Variants in DENR observed in about 807,000 individuals in gnomAD.
DENR encodes density regulated re-initiation and release factor, also known as density-regulated protein.
In DENR, 6 loss-of-function variants were observed where a neutral mutation model predicts 30.6. The ratio of observed to expected loss-of-function variants is 0.20; its 90% confidence interval spans 0.11 to 0.39. The LOEUF (loss-of-function observed/expected upper bound fraction) is 0.39. Among genes scored for constraint, DENR ranks in the 10% least tolerant of loss-of-function variants. The pLI, the probability that DENR is intolerant of heterozygous loss-of-function variation, is 1.00. For missense variants in DENR, 141 were observed against 230.9 expected (o/e 0.61, Z 2.52); for synonymous variants, 78 against 72.1 (o/e 1.08, Z -0.41).
At chr12:122,765,801 T>TA (rs1362820604) in intron 5 of DENR, among the ~76,000 whole-genome samples, 3 of 152,140 alleles carry the variant, frequency 2.0e-5, no homozygotes, top group Non-Finnish European at 4.4e-5. Flanking sequence ...TGTTTGTATG[T>TA]AAAAAACAGC....
intron 2 of DENR, among the ~76,000 whole-genome samples, chr12:122,755,737 C>T (rs1878533991): frequency 6.6e-6 from 1 of 152,120 alleles, no homozygotes; most frequent in Non-Finnish European, 1.5e-5. Flanking sequence ...AAGATCTATT[C>T]CCTGTGACCT....
chr12:122,754,758 C>CA (rs1337919615), intron 2 of DENR, among the ~76,000 whole-genome samples: 23 of 152,172 alleles, frequency 1.5e-4, no homozygotes, highest in African/African-American at 4.8e-4. Context: ...AATAAAGTGA[C>CA]AAGAGATTAA....
chr12:122,755,466 C>T lies in DENR; in HGVS notation c.106+1659C>T, dbSNP rs568989889. On this transcript the variant is annotated intron_variant, in intron 2 of 7. Coordinates refer to ENST00000280557, the MANE Select transcript of DENR (RefSeq NM_003677.5). ...TGGTGGCAGGCACCTGTAATCCCAGCTACTTGGGAGGCTGAGGCAGGAGAA... is the reference window on the plus strand; with the variant it reads ...TGGTGGCAGGCACCTGTAATCCCAGTTACTTGGGAGGCTGAGGCAGGAGAA... Among the ~76,000 whole-genome samples the T allele has an allele frequency of 4.3e-4, 65 of 152,198 alleles. 4 individuals are homozygous for T. In the South Asian group the frequency reaches 0.013, roughly 30 times the overall value.
intron 2 of DENR, among the ~76,000 whole-genome samples, chr12:122,758,750 G>A (rs1277957719): frequency 2.0e-5 from 3 of 152,000 alleles, no homozygotes; most frequent in Non-Finnish European, 4.4e-5. Context: ...GGCTGCATGA[G>A]TTAAGATCAC....
chr12:122,761,547 C>T (rs890154309), intron 2 of DENR, among the ~76,000 whole-genome samples: 3 of 152,170 alleles, frequency 2.0e-5, no homozygotes, highest in Admixed American at 2.0e-4. Flanking sequence ...AGGCTGGGAA[C>T]AGTGCTTCAC....
At chr12:122,761,369 G>T (rs377460430) in intron 2 of DENR, among the ~76,000 whole-genome samples, 105 of 152,126 alleles carry the variant, frequency 6.9e-4, no homozygotes, top group African/African-American at 2.4e-3. Flanking sequence ...CCGAGATCGT[G>T]CCTCTGCACT....
intron 2 of DENR, chr12:122,754,209 T>C (rs573176859): frequency 5.8e-5 from 14 of 239,322 alleles, no homozygotes; most frequent in African/African-American, 2.6e-4. Flanking sequence ...TTGATGGCTG[T>C]CTGTGAAGAA....
At chr12:122,762,321 T>A in intron 3 of DENR, 115 bp downstream of exon 3, 1 of 720,786 alleles carries the variant, frequency 1.4e-6, no homozygotes, top group Non-Finnish European at 2.2e-6. Flanking sequence ...AGTAAAGCTT[T>A]AACCTTTTAT....
At chr12:122,767,421 A>C (rs1442837394) in intron 5 of DENR, 67 bp from the exon 6 acceptor site, 2 of 998,216 alleles carry the variant, frequency 2.0e-6, no homozygotes, top group Non-Finnish European at 1.4e-6. Flanking sequence ...GAGAATTAAT[A>C]AATTTAAAGA....
At chr12:122,754,036 A>G (rs1593758234) in intron 2 of DENR, 1 of 554,052 alleles carries the variant, frequency 1.8e-6, no homozygotes, top group East Asian at 3.1e-5. Flanking sequence ...TTGTAACAGG[A>G]TGTGCAACTA....
At chr12:122,767,864 A>T (rs764312659) in intron 6 of DENR, among the ~76,000 whole-genome samples, 3 of 152,186 alleles carry the variant, frequency 2.0e-5, no homozygotes, top group Non-Finnish European at 2.9e-5. Context: ...ACGGCTGGGT[A>T]GGATTCTCTT....
chr12:122,770,452 C>G lies in DENR; in HGVS notation c.*1374C>G, dbSNP rs1879004849. 1 of 395,816 alleles carries G rather than the reference C, an allele frequency of 2.5e-6. No homozygotes were observed. 24.5% of individuals were successfully genotyped at this position (395,816 alleles called of 1,614,324 possible). ...CATCTGCTCTGAGTGGAAGGCCGTT[C>G]AGAGAGGCTAGAGGTTCTTATTCTG... On this transcript the variant is annotated 3_prime_UTR_variant, in exon 8 of 8. Coordinates refer to ENST00000280557, the MANE Select transcript of DENR (RefSeq NM_003677.5).
At chr12:122,759,784 C>T (rs986394346) in intron 2 of DENR, among the ~76,000 whole-genome samples, 50 of 151,956 alleles carry the variant, frequency 3.3e-4, no homozygotes, top group Admixed American at 2.7e-3. Flanking sequence ...TTAGTATTTG[C>T]TGTGATGGTG....
chr12:122,754,048 G>C (rs1016378431), intron 2 of DENR: 2 of 529,998 alleles, frequency 3.8e-6, no homozygotes, highest in Admixed American at 6.3e-5. Flanking sequence ...GTGCAACTAG[G>C]TTATTTCAGC....
intron 2 of DENR, among the ~76,000 whole-genome samples, chr12:122,760,942 C>T (rs571845430): frequency 6.6e-6 from 1 of 151,982 alleles, no homozygotes; most frequent in African/African-American, 2.4e-5. Context: ...AGCGAGATCC[C>T]GTCTCTACAA....
At chr12:122,767,718 T>C in intron 6 of DENR, 114 bp downstream of exon 6, 1 of 506,060 alleles carries the variant, frequency 2.0e-6, no homozygotes, top group Non-Finnish European at 3.2e-6. Context: ...CAGGTCTGTT[T>C]TTTGCTAAGA....
intron 4 of DENR, among the ~76,000 whole-genome samples, chr12:122,763,576 C>T (rs1448131646): frequency 6.6e-6 from 1 of 152,114 alleles, no homozygotes; most frequent in African/African-American, 2.4e-5. Context: ...TGGCGCATGC[C>T]TGTAATCCTA....
chr12:122,760,286 T>C (rs1878660913), intron 2 of DENR, among the ~76,000 whole-genome samples: 1 of 152,178 alleles, frequency 6.6e-6, no homozygotes, highest in African/African-American at 2.4e-5. Context: ...TAACTAAACA[T>C]AATAATGTAT....
At chr12:122,764,396 G>A (rs11612331) in intron 4 of DENR, among the ~76,000 whole-genome samples, 162 of 152,204 alleles carry the variant, frequency 1.1e-3, no homozygotes, top group Admixed American at 2.2e-3. Flanking sequence ...TCAGGAGATC[G>A]AGACCATCCT....
Sources: gnomAD v4.1 joint callset for allele counts (sites outside exome capture counted in the v4.1 genomes callset) on GRCh38, gnomAD v4.1.1 for gene constraint, MANE v1.5 for transcripts, NCBI Gene and HGNC (gene_info 2026-07-23, HGNC 2026-07-21) for gene names.